The following SNTG2 variants were observed in gnomAD, a reference collection of about 807,000 sequenced individuals.
SNTG2 encodes syntrophin gamma 2, also known as gamma-2-syntrophin.
Under a neutral mutation model 70.9 loss-of-function variants are expected in SNTG2, and 74 were observed. The observed-to-expected ratio is 1.04, with a 90% confidence interval of 0.86 to 1.27. The LOEUF is 1.27. Among genes scored for constraint, SNTG2 ranks in the 50% most tolerant of loss-of-function variants. SNTG2 has a pLI of 0.00. For synonymous variants in SNTG2, 278 were observed against 273.8 expected, an observed-to-expected ratio of 1.02 and a Z score of -0.15; for missense variants, 717 against 690.7, an observed-to-expected ratio of 1.04 and a Z score of -0.43.
intron 8 of SNTG2, among the ~76,000 whole-genome samples, chr2:1,188,669 T>A (rs1007092831): frequency 3.9e-5 from 6 of 152,088 alleles, no homozygotes; most frequent in African/African-American, 1.4e-4. Flanking sequence ...CTTAAATAGC[T>A]ACAAAATACA....
chr2:1,325,614 T>A (rs1329829373), intron 16 of SNTG2, among the ~76,000 whole-genome samples: 1 of 152,230 alleles, frequency 6.6e-6, no homozygotes, highest in African/African-American at 2.4e-5. Flanking sequence ...TTAAGTGTAC[T>A]TGTGATCCTT....
intron 8 of SNTG2, among the ~76,000 whole-genome samples, chr2:1,193,035 G>A (rs538253615): frequency 6.6e-6 from 1 of 152,330 alleles, no homozygotes; most frequent in East Asian, 1.9e-4. Flanking sequence ...TCTATGAGGG[G>A]CTCAGGGAGG....
At chr2:969,132 A>G (rs1488244107) in intron 1 of SNTG2, among the ~76,000 whole-genome samples, 1 of 152,152 alleles carries the variant, frequency 6.6e-6, no homozygotes, top group Non-Finnish European at 1.5e-5. Flanking sequence ...GGTCCTTCCC[A>G]CACTGATGGT....
chr2:1,328,737 G>A (rs1681859491), intron 16 of SNTG2, among the ~76,000 whole-genome samples: 1 of 152,144 alleles, frequency 6.6e-6, no homozygotes, highest in Admixed American at 6.5e-5. Context: ...TAAGAAAAGA[G>A]GGACTCTGTC....
intron 16 of SNTG2, chr2:1,341,468 G>C (rs1419397460): frequency 6.6e-6 from 1 of 152,200 alleles, no homozygotes; most frequent in African/African-American, 2.4e-5. Flanking sequence ...GGGTATGTGG[G>C]AGTGAAGGTT....
At chr2:1,231,092 A>G in intron 9 of SNTG2, among the ~76,000 whole-genome samples, 2 of 149,178 alleles carry the variant, frequency 1.3e-5, no homozygotes, top group Admixed American at 6.6e-5. Context: ...TACTTAGGAT[A>G]ATGACAGTGC....
chr2:1,154,813 A>G (rs1421302979), intron 6 of SNTG2, among the ~76,000 whole-genome samples: 1 of 151,970 alleles, frequency 6.6e-6, no homozygotes, highest in Non-Finnish European at 1.5e-5. Flanking sequence ...CATCCCACAC[A>G]TATCACATAC....
intron 6 of SNTG2, among the ~76,000 whole-genome samples, chr2:1,140,536 G>A (rs1241130805): frequency 1.3e-5 from 2 of 152,234 alleles, no homozygotes; most frequent in Non-Finnish European, 2.9e-5. Context: ...GGTCTGTGAT[G>A]GGACCACTGA....
intron 16 of SNTG2, 108 bp downstream of exon 16, chr2:1,316,483 C>T (rs1681284414): frequency 5.9e-6 from 2 of 340,592 alleles, no homozygotes; most frequent in Non-Finnish European, 1.1e-5. Context: ...CAAAAATAAA[C>T]CAATAGGTCC....
chr2:983,265 T>C (rs12714436), intron 1 of SNTG2, among the ~76,000 whole-genome samples: 1,747 of 117,774 alleles, frequency 0.015, 19 homozygotes, highest in Middle Eastern at 0.025. Flanking sequence ...AGGTGGAGGT[T>C]GGGATGAAGC....
At chr2:1,088,809 C>G (rs1255967291) in intron 2 of SNTG2, among the ~76,000 whole-genome samples, 1 of 152,226 alleles carries the variant, frequency 6.6e-6, no homozygotes, top group East Asian at 1.9e-4. Context: ...AACTACACTT[C>G]TGTAAGGCAT....
intron 1 of SNTG2, among the ~76,000 whole-genome samples, chr2:981,729 T>G (rs1661104893): frequency 6.6e-6 from 1 of 152,118 alleles, no homozygotes; most frequent in South Asian, 2.1e-4. Context: ...CGTACACACA[T>G]GCACATTAAT....
intron 4 of SNTG2, among the ~76,000 whole-genome samples, chr2:1,121,571 TCA>T (rs35705072): frequency 0.17 from 25,147 of 152,132 alleles, 2,577 homozygotes; most frequent in Non-Finnish European, 0.22. Context: ...AGTGTTTGAC[TCA>T]CAGTTCCGCA....
intron 16 of SNTG2, chr2:1,340,987 T>G (rs571197722): frequency 6.6e-6 from 1 of 152,232 alleles, no homozygotes; most frequent in African/African-American, 2.4e-5. Context: ...GTGCAGTATC[T>G]CACTTAATTC....
At chr2:1,134,926 G>A (rs1668277031) in intron 4 of SNTG2, among the ~76,000 whole-genome samples, 1 of 152,170 alleles carries the variant, frequency 6.6e-6, no homozygotes, top group Non-Finnish European at 1.5e-5. Flanking sequence ...GGCCAGAACT[G>A]CTGGGGGACC....
chr2:1,249,849 G>T (rs1009452261), intron 12 of SNTG2, among the ~76,000 whole-genome samples: 1 of 152,152 alleles, frequency 6.6e-6, no homozygotes, highest in Non-Finnish European at 1.5e-5. Context: ...ATGCAGGCGA[G>T]TCTTCCCTCA....
At chr2:1,095,098 A>AAGAG (rs144679591) in intron 2 of SNTG2, among the ~76,000 whole-genome samples, 3 of 151,266 alleles carry the variant, frequency 2.0e-5, no homozygotes, top group East Asian at 3.9e-4. Context: ...GAGAAAAAAA[A>AAGAG]AGAGAGAGAG....
chr2:1,186,937 A>C (rs1672289200), intron 8 of SNTG2, among the ~76,000 whole-genome samples: 1 of 152,228 alleles, frequency 6.6e-6, no homozygotes, highest in African/African-American at 2.4e-5. Context: ...GTTCACTGTT[A>C]AGCAGGACTT....
chr2:1,340,339 A>G (rs1033186557), intron 16 of SNTG2, among the ~76,000 whole-genome samples: 1 of 152,206 alleles, frequency 6.6e-6, no homozygotes, highest in Non-Finnish European at 1.5e-5. Context: ...TGAGATCATC[A>G]CCCAACAGCC....
Sources: allele counts gnomAD v4.1 joint callset (sites outside exome capture counted in the v4.1 genomes callset), GRCh38; gene constraint gnomAD v4.1.1; transcripts MANE v1.5; gene names NCBI Gene and HGNC (gene_info 2026-07-23, HGNC 2026-07-21).